The following FBXL4 variants were observed in gnomAD, a reference collection of about 807,000 sequenced individuals.
FBXL4 encodes the protein F-box and leucine rich repeat protein 4, also known as F-box/LRR-repeat protein 4.
A neutral mutation model predicts 58.9 loss-of-function variants in FBXL4; 40 were observed. The observed-to-expected ratio is 0.68, with a 90% CI of 0.53 to 0.88. The LOEUF (loss-of-function observed/expected upper bound fraction) is 0.88. Ranked by LOEUF, FBXL4 falls within the 40% of genes least tolerant of loss-of-function variation. The probability of loss-of-function intolerance (pLI) is 0.00; values close to 1 mark genes in which losing one functional copy is unlikely to be tolerated. For missense variants in FBXL4, 676 were observed against 734.4 expected, an observed-to-expected ratio of 0.92 and a Z score of 0.92; for synonymous variants, 263 against 265.5, an observed-to-expected ratio of 0.99 and a Z score of 0.09.
intron 8 of FBXL4, among the ~76,000 whole-genome samples, chr6:98,876,510 T>G (rs1042450737): frequency 1.3e-5 from 2 of 152,252 alleles, no homozygotes; most frequent in African/African-American, 2.4e-5. Context: ...TATTTCTTTT[T>G]GTTCTTTTGT....
intron 2 of FBXL4, among the ~76,000 whole-genome samples, chr6:98,929,973 C>T (rs1447832500): frequency 6.6e-6 from 1 of 152,302 alleles, no homozygotes; most frequent in Non-Finnish European, 1.5e-5. Context: ...CCACCCTATC[C>T]TCATGCCAAA....
intron 1 of FBXL4, among the ~76,000 whole-genome samples, chr6:98,940,500 G>T (rs1470938861): frequency 6.6e-6 from 1 of 152,140 alleles, no homozygotes. Flanking sequence ...ATTCTAGTGG[G>T]TGGGTGGTGA....
chr6:98,911,312 C>A (rs1036470225), intron 5 of FBXL4, among the ~76,000 whole-genome samples: 5 of 152,212 alleles, frequency 3.3e-5, no homozygotes, highest in African/African-American at 1.2e-4. Flanking sequence ...TGTCTGACAC[C>A]TTTGAGGAGA....
intron 4 of FBXL4, among the ~76,000 whole-genome samples, chr6:98,920,701 G>C (rs180745136): frequency 6.6e-6 from 1 of 152,114 alleles, no homozygotes; most frequent in African/African-American, 2.4e-5. Context: ...TACCCAACAA[G>C]AGAATATGAG....
At chr6:98,911,173 G>C (rs190691764) in intron 5 of FBXL4, among the ~76,000 whole-genome samples, 5 of 152,184 alleles carry the variant, frequency 3.3e-5, no homozygotes, top group Non-Finnish European at 2.9e-5. Flanking sequence ...CAAAGCAGCC[G>C]GGAAGCTCAA....
intron 5 of FBXL4, among the ~76,000 whole-genome samples, chr6:98,914,994 C>T (rs1379715879): frequency 6.6e-6 from 1 of 152,100 alleles, no homozygotes; most frequent in Non-Finnish European, 1.5e-5. Flanking sequence ...AATCAGTGTA[C>T]AAAAATCACA....
rs1375950459 is a variant in FBXL4 at position 98,872,630 on chromosome 6, T to G, written c.*1648A>C. On this transcript the variant is annotated 3_prime_UTR_variant, in exon 10 of 10. Transcript: ENST00000369244. ...CTCTCTAGTTATTTAAGTATCTACA[T>G]AACAATCTCAGTTTTACCTCTTAGC... 6.6e-6 allele frequency: 1 copy of G among 152,194 alleles called. No individual in the cohort carries two copies. Among genetic ancestry groups the G allele is most frequent in the Non-Finnish European group, 1.5e-5 (1 of 68,038 alleles). 9.4% of individuals were successfully genotyped at this position (152,194 alleles called of 1,614,324 possible). A position where few individuals can be genotyped will look rare whatever the true frequency, so the allele number is the denominator to read the frequency against.
chr6:98,883,597 TTATATG>T (rs1770927896), intron 7 of FBXL4, among the ~76,000 whole-genome samples: 4 of 151,924 alleles, frequency 2.6e-5, no homozygotes, highest in African/African-American at 7.2e-5. Flanking sequence ...CAATTGATTC[TTATATG>T]GTAGGATATC....
intron 1 of FBXL4, among the ~76,000 whole-genome samples, chr6:98,936,555 T>A (rs1297589253): frequency 6.6e-6 from 1 of 152,220 alleles, no homozygotes; most frequent in African/African-American, 2.4e-5. Context: ...ACAATGAGGA[T>A]GAATACCTTT....
chr6:98,876,396 T>C (rs1012209041), intron 8 of FBXL4, among the ~76,000 whole-genome samples: 1 of 152,214 alleles, frequency 6.6e-6, no homozygotes, highest in African/African-American at 2.4e-5. Flanking sequence ...TTTCTTTAAA[T>C]AGGTTATTTT....
intron 7 of FBXL4, chr6:98,897,222 A>T (rs1771440140): frequency 1.3e-5 from 13 of 985,214 alleles, no homozygotes; most frequent in African/African-American, 5.2e-5. Context: ...GGCCCATAAA[A>T]TAGTAAATGT....
Position 98,873,231 on chromosome 6 carries a change from T to C in FBXL4, c.*1047A>G, listed in dbSNP as rs1300900392. The C allele has an allele frequency of 6.8e-6, 1 of 147,664 alleles. No homozygotes were observed. Among genetic ancestry groups the C allele is most frequent in the Admixed American group, 6.8e-5 (1 of 14,642 alleles). The allele number at this position is 147,664 out of a possible 1,614,324, so 9.1% of individuals were successfully genotyped here. ...TAATATATATAATTATATATATGTATATAATATATACATGTACATTACATA... is the reference window on the plus strand; with the variant it reads ...TAATATATATAATTATATATATGTACATAATATATACATGTACATTACATA... On this transcript the variant is annotated 3_prime_UTR_variant, in exon 10 of 10. Coordinates refer to ENST00000369244, the MANE Select transcript of FBXL4 (RefSeq NM_001278716.2).
Position 98,875,589 on chromosome 6 carries a change from G to C in FBXL4, c.1528C>G (p.Leu510Val), listed in dbSNP as rs749904912. The C allele has an allele frequency of 1.2e-6, 2 of 1,614,126 alleles. No homozygotes were observed. Among genetic ancestry groups the C allele is most frequent in the South Asian group, 2.2e-5 (2 of 91,084 alleles). The change falls in exon 9 of 10, where the codon CTT becomes GTT. Residue 510 changes from leucine (L) to valine (V), a missense_variant. By Grantham distance (32) the Leu-to-Val change is conservative. Coordinates refer to ENST00000369244, the MANE Select transcript of FBXL4 (RefSeq NM_001278716.2). Reference protein sequence around the residue: ...LASGCPLLEELDLGWCPTLQS... With the variant: ...LASGCPLLEEVDLGWCPTLQS... Reference sequence around the variant, plus strand: ...AGAGTTGGGCACCAGCCAAGGTCAAGCTCCTCCAGTAGTGGACACCCAGAA... The same window carrying C: ...AGAGTTGGGCACCAGCCAAGGTCAACCTCCTCCAGTAGTGGACACCCAGAA...
chr6:98,900,798 A>G (rs1205532637), intron 6 of FBXL4, among the ~76,000 whole-genome samples: 3 of 152,232 alleles, frequency 2.0e-5, no homozygotes, highest in Admixed American at 6.5e-5. Context: ...ACACCCGTTT[A>G]TTCTAAATTC....
At chr6:98,874,891 C>T (rs1304499411) in intron 9 of FBXL4, among the ~76,000 whole-genome samples, 1 of 152,212 alleles carries the variant, frequency 6.6e-6, no homozygotes, top group Non-Finnish European at 1.5e-5. Context: ...AACAAAATTA[C>T]ACAGGGTTCC....
intron 1 of FBXL4, among the ~76,000 whole-genome samples, chr6:98,947,222 C>A (rs1773654002): frequency 6.6e-6 from 1 of 152,244 alleles, no homozygotes; most frequent in African/African-American, 2.4e-5. Context: ...AATCCAAAAC[C>A]ACCCGTTATA....
chr6:98,908,814 T>TA (rs1771917327), intron 5 of FBXL4, among the ~76,000 whole-genome samples: 2 of 152,152 alleles, frequency 1.3e-5, no homozygotes, highest in Admixed American at 6.5e-5. Flanking sequence ...GTTCCTGGAC[T>TA]CTATTCTGTT....
At chr6:98,912,788 C>T (rs1772147662) in intron 5 of FBXL4, among the ~76,000 whole-genome samples, 1 of 151,480 alleles carries the variant, frequency 6.6e-6, no homozygotes, top group Non-Finnish European at 1.5e-5. Flanking sequence ...ACATAACCAG[C>T]TAACATCATA....
chr6:98,892,211 T>C (rs1412938899), intron 7 of FBXL4, among the ~76,000 whole-genome samples: 1 of 152,232 alleles, frequency 6.6e-6, no homozygotes, highest in East Asian at 1.9e-4. Flanking sequence ...ATTACTAATA[T>C]CTTTCTGTTT....
Sources: allele counts gnomAD v4.1 joint callset (sites outside exome capture counted in the v4.1 genomes callset), GRCh38; gene constraint gnomAD v4.1.1; transcripts MANE v1.5; gene names NCBI Gene and HGNC (gene_info 2026-07-23, HGNC 2026-07-21).